Variants in ETV6 observed in about 807,000 individuals in gnomAD.
The protein encoded by ETV6 is transcription factor ETV6.
In ETV6, 16 loss-of-function variants were observed where a neutral mutation model predicts 51.1. The observed-to-expected ratio is 0.31, with a 90% CI of 0.21 to 0.48. The LOEUF is 0.48. Ranked by LOEUF, ETV6 falls within the 20% of genes least tolerant of loss-of-function variation. The pLI, the probability that ETV6 is intolerant of heterozygous loss-of-function variation, is 0.99. For synonymous variants in ETV6, 240 were observed against 224.1 expected, an observed-to-expected ratio of 1.07 and a Z score of -0.64; for missense variants, 458 against 594.8, an observed-to-expected ratio of 0.77 and a Z score of 2.39.
intron 2 of ETV6, among the ~76,000 whole-genome samples, chr12:11,791,975 T>A (rs1227794013): frequency 6.6e-6 from 1 of 152,112 alleles, no homozygotes; most frequent in Non-Finnish European, 1.5e-5. Context: ...GAGAACCCCG[T>A]TGGGAGGGTC....
At chr12:11,691,987 C>T (rs1287238724) in intron 1 of ETV6, among the ~76,000 whole-genome samples, 1 of 152,198 alleles carries the variant, frequency 6.6e-6, no homozygotes, top group Admixed American at 6.5e-5. Flanking sequence ...AGCATGTAGA[C>T]TTCATAGGAG....
chr12:11,797,713 G>GTAA (rs1228556136), intron 2 of ETV6, among the ~76,000 whole-genome samples: 1 of 152,242 alleles, frequency 6.6e-6, no homozygotes, highest in South Asian at 2.1e-4. Context: ...AGTAAAGGAG[G>GTAA]GTTAAGTAAG....
At position 11,894,992 on chromosome 12, in the gene ETV6, C is replaced by A. The variant is rs781610921; in HGVS notation, c.*3946C>A. ...CGGAGTAGAAATAAAGGCTGTGACACAAGGAAGCCAGTGGGGTGGGAGGGA... is the reference window on the plus strand; with the variant it reads ...CGGAGTAGAAATAAAGGCTGTGACAAAAGGAAGCCAGTGGGGTGGGAGGGA... On this transcript the variant is annotated 3_prime_UTR_variant, in exon 8 of 8. Transcript: ENST00000396373. The A allele has an allele frequency of 7.7e-5, 18 of 233,558 alleles. No homozygotes were observed. The East Asian group carries it at 8.4e-4, about 11-fold the overall frequency. The allele number at this position is 233,558 out of a possible 1,614,324, so 14.5% of individuals were successfully genotyped here. A position where few individuals can be genotyped will look rare whatever the true frequency, so the allele number is the denominator to read the frequency against.
intron 4 of ETV6, among the ~76,000 whole-genome samples, chr12:11,865,576 G>A (rs139323551): frequency 1.3e-4 from 19 of 146,628 alleles, no homozygotes; most frequent in South Asian, 4.3e-4. Flanking sequence ...TAGTATATTC[G>A]TATATATAAT....
At chr12:11,675,079 C>A (rs1864396314) in intron 1 of ETV6, among the ~76,000 whole-genome samples, 1 of 152,206 alleles carries the variant, frequency 6.6e-6, no homozygotes, top group Admixed American at 6.5e-5. Context: ...AGTTGTAGAC[C>A]TAGCTGTAGC....
chr12:11,841,721 C>G (rs1357924219), intron 3 of ETV6, among the ~76,000 whole-genome samples: 1 of 152,098 alleles, frequency 6.6e-6, no homozygotes, highest in Non-Finnish European at 1.5e-5. Flanking sequence ...ACCTCATAGA[C>G]AAGGTAATGG....
At chr12:11,792,375 C>G (rs549564186) in intron 2 of ETV6, among the ~76,000 whole-genome samples, 1 of 152,312 alleles carries the variant, frequency 6.6e-6, no homozygotes, top group South Asian at 2.1e-4. Context: ...CCACACAACT[C>G]TGAGACGGAT....
At chr12:11,837,691 T>A (rs1043021449) in intron 2 of ETV6, among the ~76,000 whole-genome samples, 2 of 152,234 alleles carry the variant, frequency 1.3e-5, no homozygotes, top group Non-Finnish European at 2.9e-5. Flanking sequence ...CAAGTTTAAG[T>A]AACTTATAGT....
At chr12:11,851,309 C>T (rs1591719674) in intron 3 of ETV6, among the ~76,000 whole-genome samples, 1 of 151,390 alleles carries the variant, frequency 6.6e-6, no homozygotes, top group Admixed American at 6.6e-5. Flanking sequence ...CGCATACTAC[C>T]AAAAAAACCA....
chr12:11,738,314 T>C (rs11054438), intron 1 of ETV6, among the ~76,000 whole-genome samples: 1 of 16,996 alleles, frequency 5.9e-5, no homozygotes, highest in Non-Finnish European at 0.017. Flanking sequence ...TTGCTTTTTT[T>C]TTTTTTTTTT....
rs183446514 is a variant in ETV6, at chr12:11,671,093, T to G, written c.33+20933T>G. On this transcript the variant is annotated intron_variant, in intron 1 of 7. Transcript: ENST00000396373. ...AGGGACCTCCTCCTCTCCCCTGCTCTCATCCCACTTGTTCCTGAAAAAGGG... is the reference window on the plus strand; with the variant it reads ...AGGGACCTCCTCCTCTCCCCTGCTCGCATCCCACTTGTTCCTGAAAAAGGG... Among the ~76,000 whole-genome samples, 37 of 152,274 alleles carry G rather than the reference T, an allele frequency of 2.4e-4. No homozygotes were observed. In the East Asian group the frequency reaches 6.4e-3, roughly 26 times the overall value.
At position 11,680,479 on chromosome 12, in the gene ETV6, T is replaced by C. The variant is rs558325160; in HGVS notation, c.33+30319T>C. Among the ~76,000 whole-genome samples the C allele has an allele frequency of 2.7e-4, 41 of 152,332 alleles. No homozygotes were observed. The South Asian group carries it at 7.5e-3, about 28-fold the overall frequency. On this transcript the variant is annotated intron_variant, in intron 1 of 7. Transcript: ENST00000396373. ...GTCAGCCCAAAAGGTCCATACTACA[T>C]GTTCAGCTAGGACAGGGACCACATC...
chr12:11,804,134 A>G (rs2855744), intron 2 of ETV6, among the ~76,000 whole-genome samples: 94,333 of 151,984 alleles, frequency 0.62, 29,395 homozygotes, highest in African/African-American at 0.7. Flanking sequence ...CATACTCTGA[A>G]GTGCTGGGAT....
chr12:11,791,789 T>A (rs1945598545), intron 2 of ETV6, among the ~76,000 whole-genome samples: 1 of 152,192 alleles, frequency 6.6e-6, no homozygotes, highest in South Asian at 2.1e-4. Context: ...TTAATAATAC[T>A]TGTAAATTTT....
intron 7 of ETV6, among the ~76,000 whole-genome samples, 199 bp from the exon 8 acceptor site, chr12:11,890,742 G>C (rs902160469): frequency 6.6e-6 from 1 of 151,916 alleles, no homozygotes; most frequent in Non-Finnish European, 1.5e-5. Flanking sequence ...TTTTAAATAA[G>C]CATTTTACCA....
chr12:11,839,965 G>A (rs1457702932), intron 3 of ETV6, among the ~76,000 whole-genome samples: 1 of 152,130 alleles, frequency 6.6e-6, no homozygotes, highest in Non-Finnish European at 1.5e-5. Flanking sequence ...CTGCTCAACC[G>A]AAAACAAAGA....
intron 3 of ETV6, among the ~76,000 whole-genome samples, chr12:11,842,413 C>CACACAA (rs1946405384): frequency 1.7e-5 from 1 of 59,938 alleles, no homozygotes; most frequent in South Asian, 7.3e-4. Context: ...CAGATACACA[C>CACACAA]ACACACACAC....
At chr12:11,890,429 T>A (rs1947269399) in intron 7 of ETV6, among the ~76,000 whole-genome samples, 1 of 99,716 alleles carries the variant, frequency 1.0e-5, no homozygotes, top group Admixed American at 9.4e-5. Flanking sequence ...AGCCTAGACT[T>A]TTTTTTTTTT....
intron 2 of ETV6, among the ~76,000 whole-genome samples, chr12:11,791,928 A>G (rs1945602013): frequency 6.6e-6 from 1 of 152,206 alleles, no homozygotes; most frequent in South Asian, 2.1e-4. Flanking sequence ...GTAGCAAAAC[A>G]GAGCTTCCAT....
Sources: gnomAD v4.1 joint callset for allele counts (sites outside exome capture counted in the v4.1 genomes callset) on GRCh38, gnomAD v4.1.1 for gene constraint, MANE v1.5 for transcripts, NCBI Gene and HGNC (gene_info 2026-07-23, HGNC 2026-07-21) for gene names.